Variants in TSBP1 observed in about 807,000 individuals in gnomAD.
The protein encoded by TSBP1 is testis-expressed basic protein 1.
TSBP1 carries 56 observed loss-of-function variants against 68.8 expected under a neutral mutation model. The ratio of observed to expected loss-of-function variants is 0.81; its 90% CI spans 0.66 to 1.02. The LOEUF (loss-of-function observed/expected upper bound fraction) is 1.02, where lower values mean the gene tolerates loss of function less well. Ranked by LOEUF, TSBP1 falls within the 50% of genes least tolerant of loss-of-function variation. The pLI is 0.00. For missense variants in TSBP1, 502 were observed against 641.2 expected, an observed-to-expected ratio of 0.78 and a Z score of 2.34; for synonymous variants, 171 against 208.7, an observed-to-expected ratio of 0.82 and a Z score of 1.56.
intron 19 of TSBP1, among the ~76,000 whole-genome samples, chr6:32,309,019 G>A (rs1333294073): frequency 1.4e-5 from 2 of 142,840 alleles, no homozygotes; most frequent in African/African-American, 2.6e-5. Flanking sequence ...GCATGATCAC[G>A]GCTTACTGCT....
intron 18 of TSBP1, among the ~76,000 whole-genome samples, chr6:32,320,846 C>T (rs1388505899): frequency 6.6e-6 from 1 of 152,104 alleles, no homozygotes; most frequent in African/African-American, 2.4e-5. Context: ...CACCCTCCAC[C>T]CTCTGACAGG....
At chr6:32,367,741 A>G (rs1773921322) in intron 4 of TSBP1, among the ~76,000 whole-genome samples, 184 bp downstream of exon 4, 1 of 151,640 alleles carries the variant, frequency 6.6e-6, no homozygotes, top group Admixed American at 6.6e-5. Context: ...AAGGAGAACT[A>G]TTTACCTTTT....
chr6:32,303,065 T>C (rs1765458740), intron 19 of TSBP1, among the ~76,000 whole-genome samples: 1 of 152,238 alleles, frequency 6.6e-6, no homozygotes, highest in Non-Finnish European at 1.5e-5. Flanking sequence ...TATGTCACTT[T>C]TCATTCTGTT....
chr6:32,293,044 T>C (rs1031783612), exon 23 of TSBP1: 10 of 1,612,562 alleles, frequency 6.2e-6, no homozygotes, highest in African/African-American at 1.3e-5. Context: ...TCGAGCCTTT[T>C]GATTTTTCAC....
intron 1 of TSBP1, among the ~76,000 whole-genome samples, chr6:32,370,885 AAAAC>A (rs1171533385): frequency 6.6e-6 from 1 of 152,160 alleles, no homozygotes; most frequent in Non-Finnish European, 1.5e-5. Flanking sequence ...AAAGAAGAAA[AAAAC>A]AACCATAAAA....
chr6:32,316,396 A>C lies in TSBP1; in HGVS notation c.560-604T>G. 6.4e-7 allele frequency: 1 copy of C among 1,568,268 alleles called. No individual in the cohort carries two copies. Among genetic ancestry groups the C allele is most frequent in the Admixed American group, 1.9e-5 (1 of 54,046 alleles). The stretch of plus-strand genomic sequence containing the variant: ...AGAAAAAGACATGTAATACTTACTT[A>C]TAGGTGCTGCCAGCTGACCTAAAAA... On this transcript the variant is annotated intron_variant, in intron 18 of 22. Coordinates refer to ENST00000612031, the Ensembl canonical transcript of TSBP1. The surrounding 1 kb of genome is among the most constrained non-coding windows in gnomAD (Gnocchi z 4.5).
rs1487829858 is a variant in TSBP1, at chr6:32,338,531, T to C, written c.409+448A>G. ...ATTCTATCTGGATACTTATTTCAGA[T>C]TTATTCTTTGTTCATAACAGGGGAT... On this transcript the variant is annotated intron_variant, in intron 11 of 22. Transcript: ENST00000612031. This position sits in a 1 kb window ranked among gnomAD's most constrained non-coding sequence, Gnocchi z 5.5. Among the ~76,000 whole-genome samples, 1 of 152,248 alleles carries C rather than the reference T, an allele frequency of 6.6e-6. No individual in the cohort carries two copies. The highest frequency in any genetic ancestry group is 1.5e-5 in the Non-Finnish European group (1 of 68,046).
In TSBP1 at chr6:32,339,571, G is replaced by A. The variant is rs768730798; in HGVS notation, c.388+29C>T. 1.4e-5 allele frequency: 17 copies of A among 1,199,328 alleles called. No homozygotes were observed. The Admixed American group carries it at 2.2e-4, about 15-fold the overall frequency. The allele number at this position is 1,199,328 out of a possible 1,614,324, so 74.3% of individuals were successfully genotyped here. On this transcript the variant is annotated intron_variant, in intron 10 of 22. Coordinates refer to ENST00000612031, the Ensembl canonical transcript of TSBP1. ...CAATTATTAGGTGTCAGTAAAAAAAGGACTGAGTTGTATATATGGGAAACT... is the reference window on the plus strand; with the variant it reads ...CAATTATTAGGTGTCAGTAAAAAAAAGACTGAGTTGTATATATGGGAAACT...
chr6:32,367,878 A>C, intron 4 of TSBP1, 47 bp downstream of exon 4: 3 of 1,395,276 alleles, frequency 2.2e-6, no homozygotes, highest in Non-Finnish European at 2.0e-6. Context: ...CACACTCTAA[A>C]GAGTATATTC....
chr6:32,339,512 T>C (rs771730915), intron 10 of TSBP1, 88 bp downstream of exon 11: 12 of 780,374 alleles, frequency 1.5e-5, no homozygotes, highest in Admixed American at 7.1e-5. Context: ...GGTATGCATG[T>C]ATCAAAATAT....
chr6:32,322,465 G>A, intron 18 of TSBP1, 21 bp downstream of exon 20: 1 of 1,581,386 alleles, frequency 6.3e-7, no homozygotes, highest in Non-Finnish European at 8.7e-7. Context: ...CATATGACCA[G>A]CTGAGAAGTA....
chr6:32,293,714 C>G (rs1562044639), exon 23 of TSBP1: 1 of 1,612,770 alleles, frequency 6.2e-7, no homozygotes, highest in South Asian at 1.1e-5. Context: ...TATTTGGGCT[C>G]CCTGTCCTTG....
At chr6:32,329,379 T>C (rs9368711) in intron 16 of TSBP1, among the ~76,000 whole-genome samples, 51,110 of 151,942 alleles carry the variant, frequency 0.34, 9,656 homozygotes, top group Middle Eastern at 0.52. Context: ...ATGTTTATCC[T>C]CCCTGTAATA....
At chr6:32,309,702 G>T (rs11755505) in intron 19 of TSBP1, among the ~76,000 whole-genome samples, 10,980 of 152,114 alleles carry the variant, frequency 0.072, 518 homozygotes, top group East Asian at 0.19. Context: ...TCACATCAGG[G>T]TTAACTGAAT....
intron 1 of TSBP1, 66 bp downstream of exon 1, chr6:32,371,628 G>T: frequency 8.7e-7 from 1 of 1,150,088 alleles, no homozygotes; most frequent in Non-Finnish European, 1.3e-6. Flanking sequence ...AAGTCCCTAA[G>T]TCCCTAAGAG....
At chr6:32,301,396 G>A (rs1765271916) in intron 20 of TSBP1, among the ~76,000 whole-genome samples, 1 of 152,030 alleles carries the variant, frequency 6.6e-6, no homozygotes, top group Non-Finnish European at 1.5e-5. Flanking sequence ...TTGTGTTGAT[G>A]TTACTTGATA....
At position 32,324,063 on chromosome 6, in the gene TSBP1, CTTTA is replaced by C. The variant is rs200715173; in HGVS notation, c.515-453_515-450del. Among the ~76,000 whole-genome samples the C allele has an allele frequency of 7.1e-3, 1,078 of 152,228 alleles. 7 individuals carry two copies. Among genetic ancestry groups the C allele is most frequent in the Middle Eastern group, 0.065 (19 of 294 alleles). On this transcript the variant is annotated intron_variant, in intron 16 of 22. Coordinates refer to ENST00000612031, the Ensembl canonical transcript of TSBP1. ...CTGCTGATAAACTTTCTCCCCTGCC[CTTTA>C]TTTTTTAATAAAATAGTAAGTTTGA...
chr6:32,300,001 A>C, intron 21 of TSBP1, 65 bp from the exon 25 acceptor site: 2 of 1,271,122 alleles, frequency 1.6e-6, no homozygotes, highest in Non-Finnish European at 2.3e-6. Context: ...CCCACCTTCC[A>C]ATAGTATCCT....
chr6:32,341,945 A>T (rs1394993314), intron 9 of TSBP1, among the ~76,000 whole-genome samples: 2 of 152,154 alleles, frequency 1.3e-5, no homozygotes, highest in African/African-American at 4.8e-5. Context: ...ATCAGAAAAA[A>T]AACCCTGTCC....
Sources: gnomAD v4.1 joint callset for allele counts (sites outside exome capture counted in the v4.1 genomes callset) on GRCh38, gnomAD v4.1.1 for gene constraint, Gnocchi (gnomAD v3.1) non-coding constraint, MANE v1.5 for transcripts, NCBI Gene and HGNC (gene_info 2026-07-23, HGNC 2026-07-21) for gene names.